Variants in GLCCI1 observed in about 807,000 individuals in gnomAD.
GLCCI1 encodes the protein glucocorticoid-induced transcript 1 protein.
GLCCI1 carries 24 observed loss-of-function variants against 52.2 expected under a neutral mutation model. The ratio of observed to expected loss-of-function variants is 0.46; its 90% CI spans 0.33 to 0.65. GLCCI1 has a LOEUF of 0.65. Ranked by LOEUF, GLCCI1 falls within the 30% of genes least tolerant of loss-of-function variation. The pLI, the probability that GLCCI1 is intolerant of heterozygous loss-of-function variation, is 0.02. For missense variants in GLCCI1, 704 were observed against 701.5 expected, an observed-to-expected ratio of 1.00 and a Z score of -0.04; for synonymous variants, 310 against 276.5, an observed-to-expected ratio of 1.12 and a Z score of -1.20.
At chr7:8,049,476 C>A (rs1277090420) in intron 3 of GLCCI1, among the ~76,000 whole-genome samples, 1 of 152,030 alleles carries the variant, frequency 6.6e-6, no homozygotes. Flanking sequence ...CCAGTAAAGT[C>A]TCTGTCTAAA....
At chr7:8,075,511 A>G (rs1782859014) in intron 6 of GLCCI1, among the ~76,000 whole-genome samples, 1 of 152,342 alleles carries the variant, frequency 6.6e-6, no homozygotes, top group African/African-American at 2.4e-5. Flanking sequence ...TCAAGGAACA[A>G]AAATAGCCAT....
chr7:8,074,878 C>T (rs1052873886), intron 6 of GLCCI1, among the ~76,000 whole-genome samples: 2 of 152,066 alleles, frequency 1.3e-5, no homozygotes, highest in African/African-American at 4.8e-5. Flanking sequence ...ACATGTTCTG[C>T]AGTTGCTGTG....
intron 3 of GLCCI1, among the ~76,000 whole-genome samples, chr7:8,029,502 AG>A (rs1214878513): frequency 6.6e-6 from 1 of 152,050 alleles, no homozygotes; most frequent in Non-Finnish European, 1.5e-5. Flanking sequence ...ATAGGGAAAA[AG>A]AAAAGAAGGA....
rs1472622599 is a variant in GLCCI1 at position 8,088,244 on chromosome 7, G to GTGTGTC, written c.*1711_*1712insCTGTGT. The GTGTGTC allele has an allele frequency of 2.2e-5, 1 of 44,644 alleles. No individual in the cohort carries two copies. Among genetic ancestry groups the GTGTGTC allele is most frequent in the African/African-American group, 7.8e-5 (1 of 12,858 alleles). 2.8% of individuals were successfully genotyped at this position (44,644 alleles called of 1,614,324 possible). ...ATGATATATATATGTATATGTTTGT[G>GTGTGTC]TGTGTGTGTGTGTGTGTGTGTGTGT... is the stretch of plus-strand genomic sequence containing the variant. On this transcript the variant is annotated 3_prime_UTR_variant, in exon 8 of 8. Coordinates refer to ENST00000223145, the MANE Select transcript of GLCCI1 (RefSeq NM_138426.4).
chr7:8,001,647 T>G (rs1781051039), intron 1 of GLCCI1, among the ~76,000 whole-genome samples: 1 of 152,198 alleles, frequency 6.6e-6, no homozygotes, highest in Non-Finnish European at 1.5e-5. Context: ...TAAAGACACA[T>G]GCACACGTAT....
chr7:8,004,579 G>GA (rs954192423), intron 2 of GLCCI1, among the ~76,000 whole-genome samples: 1 of 151,704 alleles, frequency 6.6e-6, no homozygotes, highest in African/African-American at 2.4e-5. Flanking sequence ...CTCCACATCA[G>GA]AAAAAAAATC....
intron 1 of GLCCI1, among the ~76,000 whole-genome samples, chr7:7,971,486 G>A (rs1284438643): frequency 6.6e-6 from 1 of 152,204 alleles, no homozygotes; most frequent in East Asian, 1.9e-4. Flanking sequence ...TTTTCTTGTA[G>A]GGACTAAGAG....
At chr7:8,030,769 C>G (rs950963918) in intron 3 of GLCCI1, among the ~76,000 whole-genome samples, 1 of 152,070 alleles carries the variant, frequency 6.6e-6, no homozygotes, top group African/African-American at 2.4e-5. Context: ...ACGTGGAAAA[C>G]AGGCATACGA....
At position 8,079,360 on chromosome 7, in the gene GLCCI1, A is replaced by G. The variant is rs112917641; in HGVS notation, c.1178-5537A>G. 2.0e-5 allele frequency among the ~76,000 whole-genome samples: 3 copies of G among 146,962 alleles called. 1 individual carries two copies. The highest frequency in any genetic ancestry group is 8.2e-5 in the African/African-American group (3 of 36,548). ...ACAATATAAAAATTAAGATTGTATT[A>G]CAGTGATTTTCTTGAGATACCTACT... On this transcript the variant is annotated intron_variant, in intron 6 of 7. Transcript: ENST00000223145.
At chr7:7,992,843 T>G (rs1420942352) in intron 1 of GLCCI1, among the ~76,000 whole-genome samples, 1 of 152,106 alleles carries the variant, frequency 6.6e-6, no homozygotes, top group Non-Finnish European at 1.5e-5. Flanking sequence ...TTCATTCTTG[T>G]GTTTCTTGTA....
At chr7:8,021,099 A>G (rs751430139) in intron 2 of GLCCI1, among the ~76,000 whole-genome samples, 4 of 152,212 alleles carry the variant, frequency 2.6e-5, no homozygotes, top group Non-Finnish European at 4.4e-5. Flanking sequence ...TTATTCAGCT[A>G]GCATTCAGTT....
chr7:8,079,640 G>A (rs908472621), intron 6 of GLCCI1, among the ~76,000 whole-genome samples: 1 of 151,476 alleles, frequency 6.6e-6, no homozygotes, highest in Non-Finnish European at 1.5e-5. Context: ...AAGAAGCACT[G>A]TACTTATTTT....
intron 2 of GLCCI1, among the ~76,000 whole-genome samples, chr7:8,008,132 A>G (rs758849363): frequency 2.6e-5 from 4 of 152,134 alleles, no homozygotes; most frequent in Non-Finnish European, 5.9e-5. Context: ...AGTATACCAT[A>G]TATTTTACTG....
At chr7:8,013,672 T>C (rs1781316194) in intron 2 of GLCCI1, among the ~76,000 whole-genome samples, 1 of 152,244 alleles carries the variant, frequency 6.6e-6, no homozygotes, top group South Asian at 2.1e-4. Context: ...ATGTTTGCCC[T>C]TCAGAATATT....
At chr7:8,079,509 A>G (rs957070223) in intron 6 of GLCCI1, among the ~76,000 whole-genome samples, 1 of 151,538 alleles carries the variant, frequency 6.6e-6, no homozygotes, top group African/African-American at 2.4e-5. Context: ...TTTAACTGTC[A>G]TATCAGATTA....
At chr7:8,079,242 T>C (rs953590932) in intron 6 of GLCCI1, among the ~76,000 whole-genome samples, 3 of 151,704 alleles carry the variant, frequency 2.0e-5, no homozygotes, top group African/African-American at 7.3e-5. Flanking sequence ...AATTGTAGGA[T>C]ACCTTAGGAG....
In GLCCI1 at chr7:8,070,969, C is replaced by T. The variant is rs751659031; in HGVS notation, c.1015C>T (p.Arg339Trp). 1.1e-5 allele frequency: 18 copies of T among 1,614,014 alleles called. No homozygotes were observed. The South Asian group carries it at 1.4e-4, about 13-fold the overall frequency. ...GRRAPLPAHY[R>W]SSSTRSIDTQ... ...AAGAGCTCCACTTCCTGCTCATTAC[C>T]GGAGCAGTAGTACTCGCAGCATTGA... The change falls in exon 6 of 8, where the codon CGG becomes TGG. Residue 339 changes from arginine (R) to tryptophan (W), a missense_variant. Physicochemically the swap from Arg to Trp is moderately radical, Grantham distance 101 (BLOSUM62 -3). Transcript: ENST00000223145.
intron 1 of GLCCI1, chr7:7,980,433 G>T: frequency 4.0e-6 from 1 of 249,116 alleles, no homozygotes; most frequent in Non-Finnish European, 7.5e-6. Context: ...CATTTGTGAT[G>T]GCAGTGCCAA....
intron 5 of GLCCI1, among the ~76,000 whole-genome samples, chr7:8,069,923 C>A (rs905735268): frequency 1.3e-5 from 2 of 152,204 alleles, no homozygotes; most frequent in African/African-American, 2.4e-5. Context: ...TTCCCTAGCA[C>A]TGCAGTCCTG....
Sources: gnomAD v4.1 joint callset for allele counts (sites outside exome capture counted in the v4.1 genomes callset) on GRCh38, gnomAD v4.1.1 for gene constraint, MANE v1.5 for transcripts, NCBI Gene and HGNC (gene_info 2026-07-23, HGNC 2026-07-21) for gene names.